Variants in TRRAP observed in about 807,000 individuals in gnomAD.
TRRAP encodes the protein transformation/transcription domain-associated protein.
A neutral mutation model predicts 438.8 loss-of-function variants in TRRAP; 41 were observed. The ratio of observed to expected loss-of-function variants is 0.09; its 90% CI spans 0.07 to 0.12. The LOEUF (loss-of-function observed/expected upper bound fraction) is 0.12, where lower values mean the gene tolerates loss of function less well. Ranked by LOEUF, TRRAP falls within the 10% of genes least tolerant of loss-of-function variation. The pLI is 1.00. For missense variants in TRRAP, 3,122 were observed against 5,055.1 expected (o/e 0.62, Z 11.60); for synonymous variants, 1,994 against 1,962.9 (o/e 1.02, Z -0.42).
In TRRAP at chr7:98,950,924, G is replaced by A; in HGVS notation, c.5383G>A (p.Gly1795Arg). The change falls in exon 39 of 73, where the codon GGG becomes AGG. Residue 1795 changes from glycine (G) to arginine (R), a missense_variant. Around this residue, in one of 24 missense-constraint regions of TRRAP, gnomAD observed 272 missense variants for 348.5 expected, o/e 0.78. Transcript: ENST00000456197. ...TGCTTTCTTGTACAGCTTTGAGAAG[G>A]GGGAAGGAGAGCAGCTCTTGGGACC... ...NPAFLYSFEKGEGEQLLGPPN... is the reference protein window; with the variant it reads ...NPAFLYSFEKREGEQLLGPPN... The A allele has an allele frequency of 6.2e-7, 1 of 1,606,522 alleles. No individual in the cohort carries two copies. Among genetic ancestry groups the A allele is most frequent in the Non-Finnish European group, 8.5e-7 (1 of 1,177,478 alleles).
chr7:98,934,819 A>G (rs1431364434), intron 27 of TRRAP, among the ~76,000 whole-genome samples: 1 of 152,198 alleles, frequency 6.6e-6, no homozygotes, highest in Admixed American at 6.5e-5. Context: ...TTTGAAGGTC[A>G]TACAAGGCCC....
intron 47 of TRRAP, among the ~76,000 whole-genome samples, chr7:98,963,591 G>GAGCAT (rs1344814144): frequency 6.6e-6 from 1 of 151,986 alleles, no homozygotes; most frequent in Non-Finnish European, 1.5e-5. Context: ...CCATAGAGGA[G>GAGCAT]AGCATAGCAC....
chr7:98,922,811 C>A (rs1415511939), intron 21 of TRRAP, among the ~76,000 whole-genome samples: 1 of 150,976 alleles, frequency 6.6e-6, no homozygotes, highest in Admixed American at 6.6e-5. Context: ...TGCTCCAGGC[C>A]CTCCCTTTGC....
At chr7:98,889,838 A>G (rs1265524240) in intron 3 of TRRAP, among the ~76,000 whole-genome samples, 4 of 152,158 alleles carry the variant, frequency 2.6e-5, no homozygotes, top group Admixed American at 6.6e-5. Flanking sequence ...TACCGGCATG[A>G]GCTACAGTGC....
At position 99,012,468 on chromosome 7, in the gene TRRAP, A is replaced by G; in HGVS notation, c.*113A>G. Reference sequence around the variant, plus strand: ...ATATTCACAGAAGCCCCATAGTTTCACTGGGTTGCGGTTATTTTCCTGGTA... The same window carrying G: ...ATATTCACAGAAGCCCCATAGTTTCGCTGGGTTGCGGTTATTTTCCTGGTA... On this transcript the variant is annotated 3_prime_UTR_variant, in exon 73 of 73. Transcript: ENST00000456197. The surrounding 1 kb of genome is among the most constrained non-coding windows in gnomAD (Gnocchi z 5.9). The G allele has an allele frequency of 7.8e-7, 1 of 1,289,118 alleles. No homozygotes were observed. The highest frequency in any genetic ancestry group is 1.0e-6 in the Non-Finnish European group (1 of 957,814). The allele number at this position is 1,289,118 out of a possible 1,614,324, so 79.9% of individuals were successfully genotyped here. A position where few individuals can be genotyped will look rare whatever the true frequency, so the allele number is the denominator to read the frequency against.
At chr7:98,996,000 C>A (rs1320886097) in intron 67 of TRRAP, among the ~76,000 whole-genome samples, 1 of 147,840 alleles carries the variant, frequency 6.8e-6, no homozygotes, top group Admixed American at 6.8e-5. Flanking sequence ...CATCCATGCA[C>A]CCCCGTCCCA....
rs764152945 is a variant in TRRAP, at chr7:99,005,336, T to C, written c.10741T>C (p.Leu3581=). ...EKRKETTKRH[L]FFTVPRVVAV... ...GAGAAAGGAGACCACCAAGAGGCAC[T>C]TGTTTTTCACAGGTAGGGTTGAGAG... The change falls in exon 69 of 73, where the codon TTG becomes CTG. Residue 3581 remains leucine (L), a synonymous_variant. Coordinates refer to ENST00000456197, the MANE Select transcript of TRRAP (RefSeq NM_001375524.1). The surrounding 1 kb of genome is among the most constrained non-coding windows in gnomAD (Gnocchi z 5.1). 7 of 1,613,850 alleles carry C rather than the reference T, an allele frequency of 4.3e-6. No homozygotes were observed. The African/African-American group carries it at 9.3e-5, about 22-fold the overall frequency.
At chr7:98,921,210 C>A (rs1332917374) in intron 20 of TRRAP, among the ~76,000 whole-genome samples, 1 of 152,156 alleles carries the variant, frequency 6.6e-6, no homozygotes, top group Non-Finnish European at 1.5e-5. Flanking sequence ...ATTCCAGGAG[C>A]ATGGATGAAC....
chr7:98,904,727 T>C lies in TRRAP; in HGVS notation c.1036+1210T>C, dbSNP rs113537339. ...CTCCGTTTACTAGTTGGCTTGATTT[T>C]GTTTTTAACAAGATATTATAGGATG... On this transcript the variant is annotated intron_variant, in intron 12 of 72. Coordinates refer to ENST00000456197, the MANE Select transcript of TRRAP (RefSeq NM_001375524.1). Among the ~76,000 whole-genome samples the C allele has an allele frequency of 7.8e-3, 1,187 of 152,330 alleles. 13 individuals are homozygous for C. Among genetic ancestry groups the C allele is most frequent in the Non-Finnish European group, 0.014 (951 of 68,034 alleles).
Position 98,990,565 on chromosome 7 carries a change from G to C in TRRAP, c.9702G>C (p.Leu3234=). Residue 3234 remains leucine (L), a synonymous_variant, in exon 64 of 73, where the codon CTG becomes CTC. Coordinates refer to ENST00000456197, the MANE Select transcript of TRRAP (RefSeq NM_001375524.1). The part of the protein sequence containing the change: ...PIQWLAWIPQ[L]LTCLVGSEGK... Reference sequence around the variant, plus strand: ...AGTGGCTGGCCTGGATCCCACAGCTGCTCACCTGCCTGGTTGGCTCGGAGG... The same window carrying C: ...AGTGGCTGGCCTGGATCCCACAGCTCCTCACCTGCCTGGTTGGCTCGGAGG... 1 of 1,614,112 alleles carries C rather than the reference G, an allele frequency of 6.2e-7. No homozygotes were observed. The highest frequency in any genetic ancestry group is 8.5e-7 in the Non-Finnish European group (1 of 1,179,942).
chr7:98,909,780 A>G (rs923715915), intron 14 of TRRAP, among the ~76,000 whole-genome samples: 2 of 61,790 alleles, frequency 3.2e-5, no homozygotes, highest in Non-Finnish European at 7.0e-5. Context: ...TGGTATTGGG[A>G]GTAAATCGGC....
At chr7:98,990,055 C>A (rs1305404765) in intron 63 of TRRAP, among the ~76,000 whole-genome samples, 1 of 152,142 alleles carries the variant, frequency 6.6e-6, no homozygotes, top group Non-Finnish European at 1.5e-5. Context: ...TGGCAAAACC[C>A]CATCTCTACT....
At chr7:98,888,454 T>G (rs555115711) in intron 3 of TRRAP, among the ~76,000 whole-genome samples, 1 of 145,628 alleles carries the variant, frequency 6.9e-6, no homozygotes, top group Admixed American at 6.9e-5. Flanking sequence ...GGAGAATCAC[T>G]TGGATCCTGG....
intron 45 of TRRAP, among the ~76,000 whole-genome samples, chr7:98,960,759 T>TTG (rs35384186): frequency 0.036 from 5,278 of 144,872 alleles, 274 homozygotes; most frequent in African/African-American, 0.12. Flanking sequence ...GCCTGGCTTT[T>TTG]TGTGTGTGTG....
At chr7:98,997,577 T>G (rs1793728545) in intron 67 of TRRAP, among the ~76,000 whole-genome samples, 1 of 148,604 alleles carries the variant, frequency 6.7e-6, no homozygotes, top group Admixed American at 6.7e-5. Flanking sequence ...TTCAGAAAGT[T>G]AAGAGTGGAA....
chr7:98,902,834 C>G (rs1190632346), intron 11 of TRRAP, among the ~76,000 whole-genome samples: 4 of 151,336 alleles, frequency 2.6e-5, no homozygotes, highest in Non-Finnish European at 5.9e-5. Flanking sequence ...TGCCTATAAT[C>G]CCAGCAGGTG....
chr7:98,990,277 G>A (rs1793367996), intron 63 of TRRAP, among the ~76,000 whole-genome samples, 178 bp from the exon 64 acceptor site: 1 of 152,116 alleles, frequency 6.6e-6, no homozygotes, highest in South Asian at 2.1e-4. Context: ...TAAATTTTAG[G>A]TTTTATATAC....
At chr7:98,902,626 C>A (rs1554406822) in intron 11 of TRRAP, among the ~76,000 whole-genome samples, 1 of 151,956 alleles carries the variant, frequency 6.6e-6, no homozygotes, top group African/African-American at 2.4e-5. Flanking sequence ...AAATTAGGTA[C>A]CCCTTGACAT....
chr7:98,955,760 A>G (rs1554419504), intron 41 of TRRAP, among the ~76,000 whole-genome samples: 1 of 152,204 alleles, frequency 6.6e-6, no homozygotes, highest in African/African-American at 2.4e-5. Flanking sequence ...TTGAAAGCAA[A>G]TTCTTTTATA....
Sources: gnomAD v4.1 joint callset for allele counts (sites outside exome capture counted in the v4.1 genomes callset) on GRCh38, gnomAD v4.1.1 for gene constraint, gnomAD v4.1.1 regional missense constraint, Gnocchi (gnomAD v3.1) non-coding constraint, MANE v1.5 for transcripts, NCBI Gene and HGNC (gene_info 2026-07-23, HGNC 2026-07-21) for gene names.